The following KLF17 variants were observed in gnomAD, a reference collection of about 807,000 sequenced individuals.
KLF17 encodes KLF transcription factor 17.
A neutral mutation model predicts 34.2 loss-of-function variants in KLF17; 31 were observed. The ratio of observed to expected loss-of-function variants is 0.91; its 90% confidence interval spans 0.68 to 1.22. The LOEUF is 1.22. Ranked by LOEUF, KLF17 falls within the 50% of genes most tolerant of loss-of-function variation. The probability of loss-of-function intolerance (pLI) is 0.00; values close to 1 mark genes in which losing one functional copy is unlikely to be tolerated. For synonymous variants in KLF17, 179 were observed against 186.7 expected, an observed-to-expected ratio of 0.96 and a Z score of 0.34; for missense variants, 478 against 505.2, an observed-to-expected ratio of 0.95 and a Z score of 0.52.
the KLF17 span, among the ~76,000 whole-genome samples, chr1:44,048,676 G>C: frequency 6.6e-6 from 1 of 152,072 alleles, no homozygotes; most frequent in African/African-American, 2.4e-5. Context: ...TAAATAAATT[G>C]TTTTATTATT....
the KLF17 span, among the ~76,000 whole-genome samples, chr1:44,079,293 T>C: frequency 6.7e-6 from 1 of 150,286 alleles, no homozygotes; most frequent in African/African-American, 2.5e-5. Flanking sequence ...TAATCATTCT[T>C]TTCTTTTCTT....
chr1:44,071,286 G>C, the KLF17 span, among the ~76,000 whole-genome samples: 1 of 152,084 alleles, frequency 6.6e-6, no homozygotes, highest in African/African-American at 2.4e-5. Context: ...TCTGAGCTGG[G>C]TCTTTTCTAT....
chr1:44,059,020 C>A, the KLF17 span, among the ~76,000 whole-genome samples: 1 of 152,064 alleles, frequency 6.6e-6, no homozygotes, highest in East Asian at 1.9e-4. Context: ...TGGAAGGGGC[C>A]GTATCAGGTG....
At chr1:44,103,993 C>G in the KLF17 span, 5 of 854,490 alleles carry the variant, frequency 5.9e-6, no homozygotes, top group Non-Finnish European at 8.2e-6. Context: ...TTGACCTCAG[C>G]GATGATGCTG....
At chr1:44,077,156 C>G in the KLF17 span, among the ~76,000 whole-genome samples, 1,520 of 151,930 alleles carry the variant, frequency 0.01, 15 homozygotes, top group African/African-American at 0.034. Flanking sequence ...ACCAGCCTGG[C>G]CAACATGGTG....
chr1:44,120,482 G>C (rs375732204), intron 1 of KLF17, among the ~76,000 whole-genome samples: 1 of 152,196 alleles, frequency 6.6e-6, no homozygotes, highest in Admixed American at 6.6e-5. Flanking sequence ...TTCTAAGAAG[G>C]GTGTGGCCAG....
the KLF17 span, among the ~76,000 whole-genome samples, chr1:44,071,199 C>T: frequency 6.6e-6 from 1 of 152,276 alleles, no homozygotes; most frequent in African/African-American, 2.4e-5. Flanking sequence ...TCTCCTGGTT[C>T]CCTTCCACTT....
the KLF17 span, among the ~76,000 whole-genome samples, chr1:44,107,922 C>T: frequency 1.3e-5 from 2 of 152,036 alleles, no homozygotes; most frequent in Non-Finnish European, 2.9e-5. Context: ...TTCAGGCATC[C>T]GTTGGAGCAT....
At chr1:44,124,774 G>A (rs950862270) in intron 1 of KLF17, among the ~76,000 whole-genome samples, 5 of 152,124 alleles carry the variant, frequency 3.3e-5, no homozygotes, top group African/African-American at 7.2e-5. Flanking sequence ...GGGATTACAG[G>A]TGTGAGCTGC....
the KLF17 span, among the ~76,000 whole-genome samples, chr1:44,092,046 A>C: frequency 6.6e-6 from 1 of 151,092 alleles, no homozygotes. Context: ...AAAAAAAAAA[A>C]AAACTTGCTC....
chr1:44,048,825 CTTTG>C, the KLF17 span, among the ~76,000 whole-genome samples: 1 of 119,476 alleles, frequency 8.4e-6, no homozygotes, highest in East Asian at 1.9e-4. Context: ...GATTAGTTTT[CTTTG>C]TTTTTATGTG....
chr1:44,111,096 C>G, the KLF17 span, among the ~76,000 whole-genome samples: 2 of 152,110 alleles, frequency 1.3e-5, no homozygotes, highest in African/African-American at 4.8e-5. Context: ...AATTAATCTT[C>G]CTACTTAAGC....
At chr1:44,065,912 A>G in the KLF17 span, among the ~76,000 whole-genome samples, 5 of 152,232 alleles carry the variant, frequency 3.3e-5, no homozygotes, top group Non-Finnish European at 5.9e-5. Flanking sequence ...TCAGAAAAAG[A>G]AACATGAATG....
the KLF17 span, among the ~76,000 whole-genome samples, chr1:44,065,367 C>A: frequency 6.8e-6 from 1 of 146,994 alleles, no homozygotes; most frequent in Middle Eastern, 3.3e-3. Context: ...AAATTGTCGG[C>A]ATAATAGTAT....
At chr1:44,046,161 T>C in the KLF17 span, 1 of 147,924 alleles carries the variant, frequency 6.8e-6, no homozygotes, top group Non-Finnish European at 1.5e-5. Context: ...ATAATAATAA[T>C]AATAGCTATC....
the KLF17 span, among the ~76,000 whole-genome samples, chr1:44,077,054 A>T: frequency 3.2e-4 from 46 of 144,988 alleles, no homozygotes; most frequent in East Asian, 1.1e-3. Context: ...CTTTTTTTTT[A>T]AAAAAAAAGA....
chr1:44,079,093 CT>C, the KLF17 span, among the ~76,000 whole-genome samples: 1 of 152,008 alleles, frequency 6.6e-6, no homozygotes, highest in Non-Finnish European at 1.5e-5. Context: ...TTATCAAATC[CT>C]TTTTTCTGCC....
chr1:44,077,780 G>C, the KLF17 span, among the ~76,000 whole-genome samples: 1 of 152,166 alleles, frequency 6.6e-6, no homozygotes, highest in Non-Finnish European at 1.5e-5. Flanking sequence ...GAGTGTCCCA[G>C]GTAAACCAGG....
chr1:44,049,480 A>G, the KLF17 span, among the ~76,000 whole-genome samples: 1 of 152,166 alleles, frequency 6.6e-6, no homozygotes, highest in Admixed American at 6.5e-5. Context: ...AGAATTATAC[A>G]GTATATATTC....
Sources: gnomAD v4.1 joint callset for allele counts (sites outside exome capture counted in the v4.1 genomes callset) on GRCh38, gnomAD v4.1.1 for gene constraint, MANE v1.5 for transcripts, NCBI Gene and HGNC (gene_info 2026-07-23, HGNC 2026-07-21) for gene names.